CADM2: variants seen among roughly 807,000 people sequenced by gnomAD.
CADM2 encodes immunoglobulin superfamily member 4D.
A neutral mutation model predicts 49.8 loss-of-function variants in CADM2; 12 were observed. The ratio of observed to expected loss-of-function variants is 0.24; its 90% CI spans 0.15 to 0.39. The LOEUF (loss-of-function observed/expected upper bound fraction) is 0.39. Among genes scored for constraint, CADM2 ranks in the 10% least tolerant of loss-of-function variants. The probability of loss-of-function intolerance (pLI) is 1.00; values close to 1 mark genes in which losing one functional copy is unlikely to be tolerated. For synonymous variants in CADM2, 214 were observed against 175.4 expected (o/e 1.22, Z -1.74); for missense variants, 378 against 492.3 (o/e 0.77, Z 2.20).
intron 1 of CADM2, among the ~76,000 whole-genome samples, chr3:85,005,702 A>T (rs1456929921): frequency 6.6e-6 from 1 of 151,810 alleles, no homozygotes; most frequent in African/African-American, 2.4e-5. Flanking sequence ...AAAAAAAAAA[A>T]TACAGTTTTT....
At chr3:85,362,711 T>C (rs1358102496) in intron 1 of CADM2, among the ~76,000 whole-genome samples, 2 of 152,322 alleles carry the variant, frequency 1.3e-5, no homozygotes, top group Admixed American at 6.5e-5. Context: ...AATAGGTAGA[T>C]TGGAACTTTA....
At chr3:85,890,747 G>A (rs149819417) in intron 5 of CADM2, among the ~76,000 whole-genome samples, 10 of 151,424 alleles carry the variant, frequency 6.6e-5, no homozygotes, top group East Asian at 5.8e-4. Flanking sequence ...TCCCTTTGGC[G>A]CAGTGATTTT....
In CADM2 at chr3:85,160,522, T is replaced by TG. The variant is rs1339645583; in HGVS notation, c.61+200854_61+200855insG. Among the ~76,000 whole-genome samples, 4 of 152,294 alleles carry TG rather than the reference T, an allele frequency of 2.6e-5. No individual in the cohort carries two copies. In the South Asian group the frequency reaches 6.2e-4, roughly 24 times the overall value. On this transcript the variant is annotated intron_variant, in intron 1 of 9. Coordinates refer to ENST00000383699, the MANE Select transcript of CADM2 (RefSeq NM_001167675.2). ...GGTCTCCTCTAAGATTATCTATTTGTTGCTCATATTGTAGGTTTTAAAAAT... is the reference window on the plus strand; with the variant it reads ...GGTCTCCTCTAAGATTATCTATTTGTGTGCTCATATTGTAGGTTTTAAAAAT...
intron 1 of CADM2, among the ~76,000 whole-genome samples, chr3:85,343,811 T>A (rs1008355649): frequency 1.3e-5 from 2 of 152,182 alleles, no homozygotes; most frequent in African/African-American, 4.8e-5. Context: ...TGTTCTTGAT[T>A]TACTTGAGTT....
chr3:85,064,678 A>G (rs1411249453), intron 1 of CADM2, among the ~76,000 whole-genome samples: 1 of 152,118 alleles, frequency 6.6e-6, no homozygotes, highest in African/African-American at 2.4e-5. Context: ...GAGAAGCAAT[A>G]ATTTTTAGTA....
At chr3:85,570,809 T>A (rs1325489676) in intron 1 of CADM2, among the ~76,000 whole-genome samples, 4 of 152,198 alleles carry the variant, frequency 2.6e-5, no homozygotes, top group African/African-American at 7.2e-5. Flanking sequence ...AAATGATTAC[T>A]TGGTAATTTA....
chr3:85,770,002 A>AC (rs1250695175), intron 2 of CADM2, among the ~76,000 whole-genome samples: 1 of 151,982 alleles, frequency 6.6e-6, no homozygotes, highest in African/African-American at 2.4e-5. Flanking sequence ...AAACAAACAA[A>AC]AAAAACAGCA....
At chr3:86,029,458 TG>T (rs371353605) in intron 8 of CADM2, among the ~76,000 whole-genome samples, 25 of 152,076 alleles carry the variant, frequency 1.6e-4, no homozygotes, top group African/African-American at 6.0e-4. Context: ...GGAATGGTTT[TG>T]GGGGGAAAAG....
chr3:85,744,506 A>C (rs2107836311), intron 2 of CADM2, among the ~76,000 whole-genome samples: 1 of 151,890 alleles, frequency 6.6e-6, no homozygotes, highest in East Asian at 1.9e-4. Context: ...TGTACCCACA[A>C]AAAATAAAAA....
chr3:85,539,377 C>T (rs1283942448), intron 1 of CADM2, among the ~76,000 whole-genome samples: 1 of 152,010 alleles, frequency 6.6e-6, no homozygotes, highest in African/African-American at 2.4e-5. Context: ...TGAACTACTT[C>T]CAGAACATGC....
chr3:85,741,396 G>A (rs756159438), intron 2 of CADM2, among the ~76,000 whole-genome samples: 17 of 152,016 alleles, frequency 1.1e-4, no homozygotes, highest in Non-Finnish European at 1.5e-5. Flanking sequence ...TCAGCCTGGC[G>A]TGGTGGCTCA....
chr3:85,830,158 T>G (rs2074121412), intron 3 of CADM2, among the ~76,000 whole-genome samples: 1 of 151,970 alleles, frequency 6.6e-6, no homozygotes, highest in South Asian at 2.1e-4. Context: ...GTAATTAATT[T>G]TCTTCACACG....
intron 2 of CADM2, among the ~76,000 whole-genome samples, chr3:85,801,448 A>C (rs2072030648): frequency 6.6e-6 from 1 of 152,150 alleles, no homozygotes; most frequent in African/African-American, 2.4e-5. Context: ...GTTTGAATGG[A>C]TATTCTACAC....
At chr3:84,976,254 A>T (rs1462149424) in intron 1 of CADM2, among the ~76,000 whole-genome samples, 1 of 151,712 alleles carries the variant, frequency 6.6e-6, no homozygotes, top group East Asian at 1.9e-4. Flanking sequence ...TCCGTGTTTG[A>T]TTCACTTTTT....
chr3:85,471,721 T>TTATTTTATTA (rs1253161208), intron 1 of CADM2, among the ~76,000 whole-genome samples: 1 of 146,424 alleles, frequency 6.8e-6, no homozygotes, highest in Non-Finnish European at 1.5e-5. Context: ...TTATTTTATT[T>TTATTTTATTA]TATTATACTT....
At chr3:85,535,578 C>T (rs1372793546) in intron 1 of CADM2, among the ~76,000 whole-genome samples, 1 of 152,096 alleles carries the variant, frequency 6.6e-6, no homozygotes, top group Non-Finnish European at 1.5e-5. Context: ...ATGCCATCCC[C>T]TTTGAAGGAG....
At chr3:86,022,741 C>A (rs1240486694) in intron 8 of CADM2, among the ~76,000 whole-genome samples, 1 of 151,964 alleles carries the variant, frequency 6.6e-6, no homozygotes, top group Non-Finnish European at 1.5e-5. Context: ...AGTTATTTAG[C>A]AAATTTAACC....
chr3:85,726,331 A>C, intron 1 of CADM2, 191 bp from the exon 2 acceptor site: 1 of 584,532 alleles, frequency 1.7e-6, no homozygotes, highest in Non-Finnish European at 3.0e-6. Context: ...ACTTTGTCTT[A>C]CTCAAGGATC....
chr3:85,902,119 T>C (rs748983837), intron 5 of CADM2, among the ~76,000 whole-genome samples: 2 of 152,132 alleles, frequency 1.3e-5, no homozygotes, highest in Non-Finnish European at 2.9e-5. Flanking sequence ...TGTAGAAATA[T>C]GCTTTCAATT....
Sources: allele counts gnomAD v4.1 joint callset (sites outside exome capture counted in the v4.1 genomes callset), GRCh38; gene constraint gnomAD v4.1.1; transcripts MANE v1.5; gene names NCBI Gene and HGNC (gene_info 2026-07-23, HGNC 2026-07-21).